ANO1: variants seen among roughly 807,000 people sequenced by gnomAD.
ANO1 encodes the protein anoctamin 1.
In ANO1, 59 loss-of-function variants were observed where a neutral mutation model predicts 124.0. The observed-to-expected ratio is 0.48, with a 90% CI of 0.39 to 0.59. The LOEUF is 0.59. Ranked by LOEUF, ANO1 falls within the 20% of genes least tolerant of loss-of-function variation. The probability of loss-of-function intolerance (pLI) is 0.00; values close to 1 mark genes in which losing one functional copy is unlikely to be tolerated. For missense variants in ANO1, 1,059 were observed against 1,328.0 expected (o/e 0.80, Z 3.15); for synonymous variants, 529 against 532.0 (o/e 0.99, Z 0.08).
chr11:70,010,658 A>C (rs1555000958), intron 1 of ANO1, among the ~76,000 whole-genome samples: 1 of 152,088 alleles, frequency 6.6e-6, no homozygotes, highest in African/African-American at 2.4e-5. Context: ...AGATGGACAG[A>C]CAGTGACTCA....
At chr11:70,149,893 C>T (rs1448939952) in intron 12 of ANO1, 101 bp downstream of exon 12, 3 of 1,356,826 alleles carry the variant, frequency 2.2e-6, no homozygotes, top group Non-Finnish European at 3.1e-6. Context: ...TCAGAAAGCA[C>T]TTCTGGTCCA....
rs575297561 is a variant in ANO1 at position 70,124,143 on chromosome 11, G to C, written c.898-207G>C. The stretch of plus-strand genomic sequence containing the variant: ...GTCTGGCCCATTTAGATCAATTCCA[G>C]GTCAAATCACAAAGAGCTCACATTC... On this transcript the variant is annotated intron_variant, in intron 8 of 25. Coordinates refer to ENST00000355303, the MANE Select transcript of ANO1 (RefSeq NM_018043.7). Among the ~76,000 whole-genome samples, 49 of 152,266 alleles carry C rather than the reference G, an allele frequency of 3.2e-4. 1 individual carries two copies. Among genetic ancestry groups the C allele is most frequent in the African/African-American group, 1.2e-3 (48 of 41,550 alleles).
chr11:70,179,287 A>G (rs2048848810), intron 22 of ANO1, among the ~76,000 whole-genome samples: 1 of 152,216 alleles, frequency 6.6e-6, no homozygotes, highest in Admixed American at 6.5e-5. Flanking sequence ...AGTTAGGGTG[A>G]GGCGGGGGTC....
chr11:70,121,642 C>G lies in ANO1; in HGVS notation c.898-2708C>G, dbSNP rs543691332. ...CTCCCCCACCTCTCTGTCTGTCTCTCTGTCTCTGTCTCTCCATCTGCCTCT... is the reference window on the plus strand; with the variant it reads ...CTCCCCCACCTCTCTGTCTGTCTCTGTGTCTCTGTCTCTCCATCTGCCTCT... On this transcript the variant is annotated intron_variant, in intron 8 of 25. Transcript: ENST00000355303. Among the ~76,000 whole-genome samples the G allele has an allele frequency of 9.5e-5, 14 of 147,258 alleles. No homozygotes were observed. The South Asian group carries it at 3.1e-3, about 32-fold the overall frequency.
intron 2 of ANO1, among the ~76,000 whole-genome samples, chr11:70,096,111 G>A (rs942137340): frequency 1.7e-4 from 26 of 152,180 alleles, no homozygotes; most frequent in African/African-American, 5.6e-4. Flanking sequence ...TGGTGGGGGC[G>A]GGTCTGCTTC....
chr11:69,979,927 T>TGCC, the ANO1 span, among the ~76,000 whole-genome samples: 3 of 152,154 alleles, frequency 2.0e-5, no homozygotes, highest in Admixed American at 2.0e-4. Flanking sequence ...TGGCCAACTG[T>TGCC]GCCGTGCCGT....
intron 1 of ANO1, among the ~76,000 whole-genome samples, chr11:70,066,132 C>T (rs1426168754): frequency 2.0e-5 from 3 of 152,090 alleles, no homozygotes; most frequent in Non-Finnish European, 2.9e-5. Context: ...ATAGAAGTGT[C>T]GCTGAATGAA....
chr11:70,121,459 CCTCTGT>C (rs1286222523), intron 8 of ANO1, among the ~76,000 whole-genome samples: 34 of 144,626 alleles, frequency 2.4e-4, no homozygotes, highest in African/African-American at 8.3e-4. Flanking sequence ...TCTCCATCTG[CCTCTGT>C]CTCTGTCTCT....
At chr11:70,041,010 A>G (rs1857174825) in intron 1 of ANO1, among the ~76,000 whole-genome samples, 1 of 152,226 alleles carries the variant, frequency 6.6e-6, no homozygotes, top group Non-Finnish European at 1.5e-5. Flanking sequence ...CCTGATGGAC[A>G]GGGTTCAGGC....
intron 1 of ANO1, among the ~76,000 whole-genome samples, chr11:70,050,871 A>G (rs905201532): frequency 7.9e-5 from 12 of 152,194 alleles, no homozygotes; most frequent in South Asian, 2.1e-4. Flanking sequence ...AGGTTATAGG[A>G]AAACTAAGGG....
chr11:69,968,468 G>A, the ANO1 span, among the ~76,000 whole-genome samples: 4 of 152,254 alleles, frequency 2.6e-5, no homozygotes, highest in South Asian at 2.1e-4. Context: ...GTTTGTTCTC[G>A]ACGTGTCGGA....
At chr11:70,157,957 G>A (rs2047883593) in intron 16 of ANO1, among the ~76,000 whole-genome samples, 1 of 142,970 alleles carries the variant, frequency 7.0e-6, no homozygotes. Flanking sequence ...TCCAGTATGG[G>A]TGACAGAGCG....
At chr11:69,981,486 G>C (rs1855958906), upstream of ANO1, among the ~76,000 whole-genome samples, 1 of 152,254 alleles carries the variant, frequency 6.6e-6, no homozygotes, top group Non-Finnish European at 1.5e-5. Context: ...GAGAAGCCCA[G>C]GCAGAGATCT....
intron 1 of ANO1, 45 bp downstream of exon 1, chr11:70,078,759 G>T (rs764947677): frequency 7.6e-7 from 1 of 1,313,676 alleles, no homozygotes; most frequent in East Asian, 3.9e-5. Flanking sequence ...CCGCGCACCT[G>T]CGCCTTGGCG....
intron 1 of ANO1, among the ~76,000 whole-genome samples, chr11:70,037,733 G>T (rs1368349981): frequency 3.9e-5 from 6 of 152,274 alleles, no homozygotes; most frequent in South Asian, 2.1e-4. Context: ...AGGAAACCCG[G>T]TTTTTTCTGC....
chr11:69,994,727 G>A (rs1856227834), intron 1 of ANO1, among the ~76,000 whole-genome samples: 1 of 152,238 alleles, frequency 6.6e-6, no homozygotes, highest in Non-Finnish European at 1.5e-5. Flanking sequence ...GCTTCCATCA[G>A]CTTGCATGTT....
chr11:69,976,439 G>A, the ANO1 span, among the ~76,000 whole-genome samples: 3 of 150,300 alleles, frequency 2.0e-5, no homozygotes, highest in East Asian at 3.9e-4. Flanking sequence ...CCCGGGAGGC[G>A]GAGCTCGCAG....
chr11:70,071,024 A>G (rs1555009244), intron 1 of ANO1, among the ~76,000 whole-genome samples: 1 of 152,154 alleles, frequency 6.6e-6, no homozygotes, highest in South Asian at 2.1e-4. Flanking sequence ...GGAGTACTAC[A>G]TGGTAGGATC....
upstream of ANO1, among the ~76,000 whole-genome samples, chr11:69,981,720 C>T (rs1281869387): frequency 3.9e-5 from 6 of 152,258 alleles, no homozygotes; most frequent in East Asian, 9.6e-4. Flanking sequence ...CCAGCCCCAC[C>T]CCAGCCCCTG....
Sources: allele counts gnomAD v4.1 joint callset (sites outside exome capture counted in the v4.1 genomes callset), GRCh38; gene constraint gnomAD v4.1.1; transcripts MANE v1.5; gene names NCBI Gene and HGNC (gene_info 2026-07-23, HGNC 2026-07-21).